Variants in TGFB2 observed in about 807,000 individuals in gnomAD.
TGFB2 encodes transforming growth factor beta 2.
Under a neutral mutation model 42.7 loss-of-function variants are expected in TGFB2, and 13 were observed. The observed-to-expected ratio is 0.30, with a 90% CI of 0.20 to 0.48. TGFB2 has a LOEUF of 0.48. Ranked by LOEUF, TGFB2 falls within the 20% of genes least tolerant of loss-of-function variation. The probability of loss-of-function intolerance (pLI) is 0.99; values close to 1 mark genes in which losing one functional copy is unlikely to be tolerated. For missense variants in TGFB2, 390 were observed against 517.5 expected, an observed-to-expected ratio of 0.75 and a Z score of 2.39; for synonymous variants, 193 against 193.6, an observed-to-expected ratio of 1.00 and a Z score of 0.03.
At chr1:218,364,132 C>T (rs180924828) in intron 1 of TGFB2, among the ~76,000 whole-genome samples, 35 of 152,264 alleles carry the variant, frequency 2.3e-4, no homozygotes, top group Admixed American at 3.3e-4. Flanking sequence ...GGAGACCTGT[C>T]GGGGAGTTAT....
intron 1 of TGFB2, among the ~76,000 whole-genome samples, chr1:218,354,695 CT>C (rs1656976566): frequency 6.6e-6 from 1 of 152,146 alleles, no homozygotes; most frequent in Non-Finnish European, 1.5e-5. Context: ...AGAGCATGAC[CT>C]TTCTTGCCTT....
chr1:218,379,404 G>A (rs1657880599), intron 1 of TGFB2, among the ~76,000 whole-genome samples: 1 of 151,344 alleles, frequency 6.6e-6, no homozygotes, highest in Non-Finnish European at 1.5e-5. Context: ...AAAGTGCTGG[G>A]ATTACAGGCG....
At chr1:218,348,992 A>G (rs1223982846) in intron 1 of TGFB2, among the ~76,000 whole-genome samples, 1 of 152,218 alleles carries the variant, frequency 6.6e-6, no homozygotes, top group Non-Finnish European at 1.5e-5. Flanking sequence ...GAGATGATCC[A>G]ACCCAGGGTC....
intron 1 of TGFB2, among the ~76,000 whole-genome samples, chr1:218,378,326 G>A (rs1024751243): frequency 1.3e-5 from 2 of 152,162 alleles, no homozygotes; most frequent in Non-Finnish European, 2.9e-5. Context: ...ACAGGCGCCC[G>A]CCACTGCGCC....
At chr1:218,371,209 G>A (rs1040652951) in intron 1 of TGFB2, among the ~76,000 whole-genome samples, 1 of 152,182 alleles carries the variant, frequency 6.6e-6, no homozygotes, top group Admixed American at 6.5e-5. Flanking sequence ...GCTGAGGTGG[G>A]AGGGTCACTT....
intron 1 of TGFB2, among the ~76,000 whole-genome samples, chr1:218,377,481 A>C (rs1456097452): frequency 6.6e-6 from 1 of 152,184 alleles, no homozygotes; most frequent in Non-Finnish European, 1.5e-5. Context: ...AATCAATAAA[A>C]ACCCCAGTAA....
intron 2 of TGFB2, among the ~76,000 whole-genome samples, chr1:218,421,323 A>G (rs1659447010): frequency 6.6e-6 from 1 of 151,710 alleles, no homozygotes; most frequent in Non-Finnish European, 1.5e-5. Flanking sequence ...TTCTTGATAT[A>G]TATAATCTCT....
chr1:218,406,676 T>C (rs970884958), intron 2 of TGFB2, among the ~76,000 whole-genome samples: 1 of 152,084 alleles, frequency 6.6e-6, no homozygotes, highest in Non-Finnish European at 1.5e-5. Flanking sequence ...TAAAACCTGA[T>C]GGGGGATCAT....
chr1:218,363,358 C>T (rs376606551), intron 1 of TGFB2: 1 of 1,613,960 alleles, frequency 6.2e-7, no homozygotes, highest in East Asian at 2.2e-5. Context: ...GTTACAACAC[C>T]CTCTGGCTCA....
At chr1:218,421,524 G>A (rs1401199950) in intron 2 of TGFB2, among the ~76,000 whole-genome samples, 5 of 152,010 alleles carry the variant, frequency 3.3e-5, no homozygotes, top group Admixed American at 6.6e-5. Context: ...CTCTGTGGGG[G>A]TAATAAGAGA....
intron 1 of TGFB2, 63 bp from the exon 2 acceptor site, chr1:218,405,106 A>G (rs1658863137): frequency 6.6e-7 from 1 of 1,504,216 alleles, no homozygotes; most frequent in Non-Finnish European, 9.0e-7. Flanking sequence ...ATCTCACGCT[A>G]CAGTCTTCTC....
At chr1:218,356,128 CAG>C (rs1281089009) in intron 1 of TGFB2, among the ~76,000 whole-genome samples, 1 of 152,162 alleles carries the variant, frequency 6.6e-6, no homozygotes, top group Non-Finnish European at 1.5e-5. Flanking sequence ...TCCTCCCAGC[CAG>C]AGTCTTGGAA....
At chr1:218,389,311 C>T (rs1017488755) in intron 1 of TGFB2, among the ~76,000 whole-genome samples, 1 of 152,162 alleles carries the variant, frequency 6.6e-6, no homozygotes, top group Non-Finnish European at 1.5e-5. Context: ...ACTAAGAGAC[C>T]TTGTCCTGGG....
intron 1 of TGFB2, among the ~76,000 whole-genome samples, chr1:218,371,658 G>A (rs897262252): frequency 6.6e-6 from 1 of 152,212 alleles, no homozygotes; most frequent in Admixed American, 6.5e-5. Context: ...ATATCTTTGA[G>A]CCTTAGGTCC....
chr1:218,434,440 G>A lies in TGFB2; in HGVS notation c.746G>A (p.Arg249Lys). The change falls in exon 4 of 7, where the codon AGA becomes AAA. Residue 249 changes from arginine (R) to lysine (K), a missense_variant. By Grantham distance (26) the Arg-to-Lys change is conservative. Coordinates refer to ENST00000366930, the MANE Select transcript of TGFB2 (RefSeq NM_003238.6). Reference sequence around the variant, plus strand: ...AATAAAAGTGAAGAACTAGAAGCAAGATTTGCAGGTAACCAAAACTTGGTC... The same window carrying A: ...AATAAAAGTGAAGAACTAGAAGCAAAATTTGCAGGTAACCAAAACTTGGTC... ...IPNKSEELEA[R>K]FAGIDGTSTY... 6.2e-7 allele frequency: 1 copy of A among 1,609,984 alleles called. No individual in the cohort carries two copies.
chr1:218,380,633 G>A (rs1026710480), intron 1 of TGFB2, among the ~76,000 whole-genome samples: 1 of 152,238 alleles, frequency 6.6e-6, no homozygotes, highest in Admixed American at 6.5e-5. Context: ...GGGATGCCAA[G>A]CATTCCAGAC....
chr1:218,410,406 G>A lies in TGFB2; in HGVS notation c.510+5074G>A, dbSNP rs372129309. Among the ~76,000 whole-genome samples the A allele has an allele frequency of 1.9e-4, 29 of 152,256 alleles. 1 individual carries two copies. The highest frequency in any genetic ancestry group is 6.7e-4 in the African/African-American group (28 of 41,554). ...TAAACCTGAAAGCTTGTGAACTTAC[G>A]ATTTTCATTACCCTCCCCTCTCTAC... On this transcript the variant is annotated intron_variant, in intron 2 of 6. Transcript: ENST00000366930.
Position 218,426,490 on chromosome 1 carries a change from T to C in TGFB2, c.511-7592T>C, listed in dbSNP as rs541544414. 8.5e-5 allele frequency among the ~76,000 whole-genome samples: 13 copies of C among 152,284 alleles called. No individual in the cohort carries two copies. The East Asian group carries it at 2.5e-3, about 29-fold the overall frequency. On this transcript the variant is annotated intron_variant, in intron 2 of 6. Transcript: ENST00000366930. The stretch of plus-strand genomic sequence containing the variant: ...ATGGATGCTTTTGTGTAGGGAGTTG[T>C]GTAATTCAATGAAGAGCTTGGAGCC...
At chr1:218,405,419 C>G (rs976132175) in intron 2 of TGFB2, 87 bp downstream of exon 2, 7 of 1,595,624 alleles carry the variant, frequency 4.4e-6, no homozygotes, top group Non-Finnish European at 5.1e-6. Context: ...GGCTAGAGTA[C>G]AGTGGCATGA....
Sources: allele counts gnomAD v4.1 joint callset (sites outside exome capture counted in the v4.1 genomes callset), GRCh38; gene constraint gnomAD v4.1.1; transcripts MANE v1.5; gene names NCBI Gene and HGNC (gene_info 2026-07-23, HGNC 2026-07-21).